The following ELAVL2 variants were observed in gnomAD, a reference collection of about 807,000 sequenced individuals.
ELAVL2 encodes the protein ELAV like RNA binding protein 2, also known as ELAV-like protein 2.
ELAVL2 carries 4 observed loss-of-function variants against 34.6 expected under a neutral mutation model. That is an observed-to-expected ratio of 0.12 (90% CI 0.06 to 0.26). The LOEUF is 0.26. Ranked by LOEUF, ELAVL2 falls within the 10% of genes least tolerant of loss-of-function variation. ELAVL2 has a pLI of 1.00. For missense variants in ELAVL2, 432 were observed against 442.8 expected (o/e 0.98, Z 0.22); for synonymous variants, 193 against 154.8 (o/e 1.25, Z -1.83).
At chr9:23,771,456 C>T (rs1269033382) in intron 1 of ELAVL2, among the ~76,000 whole-genome samples, 1 of 151,498 alleles carries the variant, frequency 6.6e-6, no homozygotes, top group East Asian at 1.9e-4. Context: ...TATAGGAAAC[C>T]CAACATACAA....
At chr9:23,743,207 G>C in intron 2 of ELAVL2, among the ~76,000 whole-genome samples, 1 of 152,172 alleles carries the variant, frequency 6.6e-6, no homozygotes, top group South Asian at 2.1e-4. Context: ...GACAGCTTAT[G>C]CTACAGCAAA....
At chr9:23,759,771 T>C (rs1159077750) in intron 2 of ELAVL2, among the ~76,000 whole-genome samples, 5 of 135,886 alleles carry the variant, frequency 3.7e-5, no homozygotes, top group African/African-American at 1.3e-4. Flanking sequence ...TATATATATA[T>C]ATATATATAT....
intron 3 of ELAVL2, among the ~76,000 whole-genome samples, chr9:23,710,045 C>G (rs1400490813): frequency 6.6e-6 from 1 of 152,128 alleles, no homozygotes; most frequent in Non-Finnish European, 1.5e-5. Flanking sequence ...CTTGCTACTA[C>G]AGGTAAGTAA....
At position 23,745,184 on chromosome 9, in the gene ELAVL2, G is replaced by T. The variant is rs79111820; in HGVS notation, c.230-14059C>A. Among the ~76,000 whole-genome samples the T allele has an allele frequency of 6.0e-3, 908 of 152,204 alleles. 5 individuals carry two copies. The highest frequency in any genetic ancestry group is 7.2e-3 in the Non-Finnish European group (491 of 68,008). ...ACACCACCACACTCCATCCTGGGCA[G>T]TGACAGAGCAAGACTCTGTCTCAAG... is the stretch of plus-strand genomic sequence containing the variant. On this transcript the variant is annotated intron_variant, in intron 2 of 6. Coordinates refer to ENST00000397312, the MANE Select transcript of ELAVL2 (RefSeq NM_004432.5).
At chr9:23,743,300 A>G (rs767863426) in intron 2 of ELAVL2, among the ~76,000 whole-genome samples, 4 of 152,216 alleles carry the variant, frequency 2.6e-5, no homozygotes, top group African/African-American at 7.2e-5. Flanking sequence ...AGCTCCTACG[A>G]TTGCCACATT....
Position 23,750,113 on chromosome 9 carries a change from G to C in ELAVL2, c.229+11893C>G, listed in dbSNP as rs147150077. Among the ~76,000 whole-genome samples, 1,421 of 151,332 alleles carry C rather than the reference G, an allele frequency of 9.4e-3. 18 individuals are homozygous for C. Among genetic ancestry groups the C allele is most frequent in the African/African-American group, 0.032 (1,307 of 41,244 alleles). ...GAATATTAGACATCCTCCTTACTTT[G>C]ATGGCTATATCCAAATATATTGTTT... On this transcript the variant is annotated intron_variant, in intron 2 of 6. Coordinates refer to ENST00000397312, the MANE Select transcript of ELAVL2 (RefSeq NM_004432.5).
At chr9:23,807,508 C>CAA (rs555510208) in intron 1 of ELAVL2, among the ~76,000 whole-genome samples, 86 of 145,670 alleles carry the variant, frequency 5.9e-4, no homozygotes, top group African/African-American at 1.7e-3. Context: ...AAAGTTTCTA[C>CAA]AAAAAAAAAA....
intron 1 of ELAVL2, among the ~76,000 whole-genome samples, chr9:23,769,103 A>C (rs1163488771): frequency 6.6e-6 from 1 of 152,172 alleles, no homozygotes; most frequent in African/African-American, 2.4e-5. Context: ...CCCAGTACAA[A>C]GGCCTTCCTT....
the ELAVL2 span, among the ~76,000 whole-genome samples, chr9:23,850,237 C>CA: frequency 1.4e-3 from 205 of 149,844 alleles, 3 homozygotes; most frequent in Middle Eastern, 0.038. Flanking sequence ...CCACCACCAC[C>CA]CCCCCCGCCC....
chr9:23,779,137 A>G, intron 1 of ELAVL2: 5 of 954,220 alleles, frequency 5.2e-6, no homozygotes, highest in Non-Finnish European at 6.2e-6. Flanking sequence ...TTCCAGGTTA[A>G]CGCTCTAAAA....
At chr9:23,704,390 G>C (rs1175065773) in intron 4 of ELAVL2, among the ~76,000 whole-genome samples, 1 of 152,024 alleles carries the variant, frequency 6.6e-6, no homozygotes, top group Non-Finnish European at 1.5e-5. Context: ...TTTCAGTTGG[G>C]CTAACAGTGA....
At chr9:23,735,722 C>G (rs886347887) in intron 2 of ELAVL2, among the ~76,000 whole-genome samples, 1 of 152,164 alleles carries the variant, frequency 6.6e-6, no homozygotes, top group African/African-American at 2.4e-5. Flanking sequence ...CCCTTCTTCA[C>G]AAGAGATAGA....
At chr9:23,737,401 GT>G (rs1564177562) in intron 2 of ELAVL2, among the ~76,000 whole-genome samples, 1 of 152,108 alleles carries the variant, frequency 6.6e-6, no homozygotes, top group East Asian at 1.9e-4. Flanking sequence ...GTTTTAAATA[GT>G]TCATGTAAAA....
intron 1 of ELAVL2, among the ~76,000 whole-genome samples, chr9:23,789,726 C>T (rs1394436398): frequency 6.6e-6 from 1 of 152,274 alleles, no homozygotes; most frequent in South Asian, 2.1e-4. Flanking sequence ...ATTATACAAG[C>T]TATCACATAT....
intron 1 of ELAVL2, among the ~76,000 whole-genome samples, chr9:23,813,830 C>G (rs1208386819): frequency 6.6e-6 from 1 of 152,160 alleles, no homozygotes; most frequent in East Asian, 1.9e-4. Context: ...TCTGTAAATA[C>G]AAGAGATCAA....
intron 5 of ELAVL2, among the ~76,000 whole-genome samples, chr9:23,699,136 G>A (rs114155802): frequency 8.9e-4 from 136 of 152,230 alleles, no homozygotes; most frequent in African/African-American, 3.2e-3. Context: ...AACACAGAAT[G>A]GGCCAGAAAA....
chr9:23,699,459 T>A (rs1157967944), intron 5 of ELAVL2, among the ~76,000 whole-genome samples: 2 of 152,114 alleles, frequency 1.3e-5, no homozygotes, highest in Non-Finnish European at 2.9e-5. Context: ...ACAGCAAACA[T>A]TTTATAACTT....
upstream of ELAVL2, among the ~76,000 whole-genome samples, chr9:23,827,497 C>T (rs1195406843): frequency 2.0e-5 from 3 of 152,154 alleles, no homozygotes; most frequent in Non-Finnish European, 4.4e-5. Flanking sequence ...TGAAAGATAG[C>T]ACCAACTTCC....
At chr9:23,723,582 AAAG>A (rs907197172) in intron 3 of ELAVL2, among the ~76,000 whole-genome samples, 1 of 152,132 alleles carries the variant, frequency 6.6e-6, no homozygotes, top group African/African-American at 2.4e-5. Context: ...TAAAAAAAAA[AAAG>A]AAAAGATTTT....
Sources: allele counts gnomAD v4.1 joint callset (sites outside exome capture counted in the v4.1 genomes callset), GRCh38; gene constraint gnomAD v4.1.1; transcripts MANE v1.5; gene names NCBI Gene and HGNC (gene_info 2026-07-23, HGNC 2026-07-21).